Variants in TMEM68 observed in about 807,000 individuals in gnomAD.
The protein encoded by TMEM68 is transmembrane protein 68.
In TMEM68, 25 loss-of-function variants were observed where a neutral mutation model predicts 36.9. The ratio of observed to expected loss-of-function variants is 0.68; its 90% confidence interval spans 0.49 to 0.95. The LOEUF is 0.95. Ranked by LOEUF, TMEM68 falls within the 40% of genes least tolerant of loss-of-function variation. The probability of loss-of-function intolerance (pLI) is 0.00; values close to 1 mark genes in which losing one functional copy is unlikely to be tolerated. For synonymous variants in TMEM68, 131 were observed against 124.4 expected, an observed-to-expected ratio of 1.05 and a Z score of -0.35; for missense variants, 333 against 392.0, an observed-to-expected ratio of 0.85 and a Z score of 1.27.
At position 55,738,828 on chromosome 8, in the gene TMEM68, CA is replaced by C. The variant is rs1259813055; in HGVS notation, c.*1303del. 5.2e-5 allele frequency: 8 copies of C among 152,514 alleles called. No individual in the cohort carries two copies. The highest frequency in any genetic ancestry group is 1.4e-4 in the African/African-American group (6 of 41,462). The allele number at this position is 152,514 out of a possible 1,614,324, so 9.4% of individuals were successfully genotyped here. On this transcript the variant is annotated 3_prime_UTR_variant, in exon 8 of 8. Coordinates refer to ENST00000434581, the MANE Select transcript of TMEM68 (RefSeq NM_001286657.2). ...AATACACACAATACAAAAAGCTATA[CA>C]AAAACCCTACTAATTCAACATTTAA...
intron 3 of TMEM68, 82 bp downstream of exon 3, chr8:55,762,553 C>CAGG (rs775741854): frequency 1.9e-6 from 3 of 1,588,894 alleles, no homozygotes; most frequent in Non-Finnish European, 2.6e-6. Context: ...AGTATCTTCT[C>CAGG]AATCAATAAA....
intron 3 of TMEM68, among the ~76,000 whole-genome samples, chr8:55,757,489 G>C (rs759719393): frequency 5.9e-5 from 9 of 152,180 alleles, no homozygotes; most frequent in Admixed American, 2.6e-4. Flanking sequence ...AGAGTAAAGA[G>C]AGCCCCTGCT....
At chr8:55,770,902 TCC>T (rs1189503905) in intron 1 of TMEM68, among the ~76,000 whole-genome samples, 2 of 152,120 alleles carry the variant, frequency 1.3e-5, no homozygotes, top group African/African-American at 4.8e-5. Flanking sequence ...ATGCCTGTAA[TCC>T]CAGCACTTTG....
chr8:55,756,158 G>A (rs1232928097), intron 4 of TMEM68, 86 bp downstream of exon 4: 10 of 1,227,036 alleles, frequency 8.1e-6, no homozygotes, highest in South Asian at 1.5e-5. Flanking sequence ...TTCAAATGAC[G>A]TTAGAGAGCT....
At chr8:55,766,566 C>T (rs1407898702) in intron 1 of TMEM68, among the ~76,000 whole-genome samples, 2 of 151,904 alleles carry the variant, frequency 1.3e-5, no homozygotes, top group African/African-American at 4.8e-5. Flanking sequence ...TCAGTAGAGA[C>T]AGGGTTTCAC....
chr8:55,754,529 ATATACT>A (rs1183094926), intron 4 of TMEM68, among the ~76,000 whole-genome samples: 4 of 140,590 alleles, frequency 2.8e-5, no homozygotes, highest in South Asian at 4.2e-4. Flanking sequence ...ATATATTTAC[ATATACT>A]TATATTATAT....
At chr8:55,762,335 C>G in intron 3 of TMEM68, 1 of 379,744 alleles carries the variant, frequency 2.6e-6, no homozygotes, top group Non-Finnish European at 4.6e-6. Flanking sequence ...AAGCAGTTTT[C>G]TACAGCTTTA....
intron 1 of TMEM68, among the ~76,000 whole-genome samples, chr8:55,770,028 T>G (rs1024498580): frequency 6.6e-6 from 1 of 152,186 alleles, no homozygotes; most frequent in Non-Finnish European, 1.5e-5. Context: ...TGCCTTTCAG[T>G]AGATAAAATG....
chr8:55,765,421 C>T (rs559957010), intron 1 of TMEM68, among the ~76,000 whole-genome samples: 2 of 152,272 alleles, frequency 1.3e-5, no homozygotes, highest in East Asian at 3.9e-4. Flanking sequence ...GTACGGTAAC[C>T]CCTGTGCCTC....
intron 1 of TMEM68, among the ~76,000 whole-genome samples, chr8:55,770,961 G>A (rs1411173578): frequency 6.6e-6 from 1 of 152,080 alleles, no homozygotes; most frequent in Non-Finnish European, 1.5e-5. Context: ...TTCGAGACCA[G>A]CCTGACCAAT....
At chr8:55,754,718 T>TATATATAAAATACATACTTATATATATA (rs1810535168) in intron 4 of TMEM68, among the ~76,000 whole-genome samples, 3 of 128,596 alleles carry the variant, frequency 2.3e-5, no homozygotes, top group Admixed American at 9.1e-5. Context: ...ATATATATAT[T>TATATATAAAATACATACTTATATATATA]ATATATAAAA....
intron 4 of TMEM68, among the ~76,000 whole-genome samples, chr8:55,751,739 T>A (rs1431793147): frequency 6.6e-6 from 1 of 152,224 alleles, no homozygotes; most frequent in East Asian, 1.9e-4. Context: ...GAGCAGCTAA[T>A]TCCAAGTCTT....
chr8:55,769,018 T>TTAGAAGAAAAAAAA (rs1554556017), intron 1 of TMEM68, among the ~76,000 whole-genome samples: 1 of 82,094 alleles, frequency 1.2e-5, no homozygotes, highest in Non-Finnish European at 2.4e-5. Context: ...ACTCTGTCTT[T>TTAGAAGAAAAAAAA]AAAAAAAAAA....
chr8:55,769,915 G>A (rs931786340), intron 1 of TMEM68, among the ~76,000 whole-genome samples: 6 of 152,184 alleles, frequency 3.9e-5, no homozygotes, highest in Admixed American at 6.6e-5. Flanking sequence ...TTGCAGGCGT[G>A]AGCCACCCTG....
chr8:55,756,322 A>G lies in TMEM68; in HGVS notation c.415T>C (p.Tyr139His). The change falls in exon 4 of 8, where the codon TAT becomes CAT. Residue 139 changes from tyrosine to histidine, a missense_variant. Coordinates refer to ENST00000434581, the MANE Select transcript of TMEM68 (RefSeq NM_001286657.2). ...TGTATAAATATTTTAGCCATGAAATAGTAAAAATCTATAGGAATAGCTCCA... is the reference window on the plus strand; with the variant it reads ...TGTATAAATATTTTAGCCATGAAATGGTAAAAATCTATAGGAATAGCTCCA... Reference protein sequence around the residue: ...YHGAIPIDFYYFMAKIFIHKG... With the variant: ...YHGAIPIDFYHFMAKIFIHKG... 1 of 1,605,718 alleles carries G rather than the reference A, an allele frequency of 6.2e-7. No homozygotes were observed. Among genetic ancestry groups the G allele is most frequent in the East Asian group, 2.2e-5 (1 of 44,584 alleles).
At chr8:55,747,941 T>C (rs1453585515) in intron 5 of TMEM68, 1 of 152,208 alleles carries the variant, frequency 6.6e-6, no homozygotes, top group Non-Finnish European at 1.5e-5. Flanking sequence ...GAATTCTGTA[T>C]TGATGTATGC....
chr8:55,770,915 C>T, intron 1 of TMEM68, among the ~76,000 whole-genome samples: 1 of 151,896 alleles, frequency 6.6e-6, no homozygotes, highest in East Asian at 1.9e-4. Context: ...CAGCACTTTG[C>T]GAAGCAGCGG....
intron 1 of TMEM68, among the ~76,000 whole-genome samples, chr8:55,771,194 A>G (rs1811145989): frequency 6.6e-6 from 1 of 152,080 alleles, no homozygotes; most frequent in African/African-American, 2.4e-5. Context: ...ATATCACCAT[A>G]TTGACATTGA....
At chr8:55,759,824 G>T (rs571248668) in intron 3 of TMEM68, among the ~76,000 whole-genome samples, 1 of 152,090 alleles carries the variant, frequency 6.6e-6, no homozygotes, top group African/African-American at 2.4e-5. Flanking sequence ...TATTACATGT[G>T]GGGGAAAAAC....
Sources: allele counts gnomAD v4.1 joint callset (sites outside exome capture counted in the v4.1 genomes callset), GRCh38; gene constraint gnomAD v4.1.1; transcripts MANE v1.5; gene names NCBI Gene and HGNC (gene_info 2026-07-23, HGNC 2026-07-21).